The following RIC8B variants were observed in gnomAD, a reference collection of about 807,000 sequenced individuals.
The protein encoded by RIC8B is RIC8 guanine nucleotide exchange factor B.
RIC8B carries 16 observed loss-of-function variants against 57.5 expected under a neutral mutation model. The ratio of observed to expected loss-of-function variants is 0.28; its 90% CI spans 0.19 to 0.42. The LOEUF (loss-of-function observed/expected upper bound fraction) is 0.42, where lower values mean the gene tolerates loss of function less well. Among genes scored for constraint, RIC8B ranks in the 10% least tolerant of loss-of-function variants. The pLI is 1.00. For synonymous variants in RIC8B, 216 were observed against 250.8 expected (o/e 0.86, Z 1.31); for missense variants, 481 against 677.0 (o/e 0.71, Z 3.21).
At chr12:106,864,927 T>C (rs1179028115) in intron 8 of RIC8B, among the ~76,000 whole-genome samples, 2 of 152,180 alleles carry the variant, frequency 1.3e-5, no homozygotes, top group African/African-American at 4.8e-5. Context: ...CTCCTTTTGT[T>C]ATTGGCTAGT....
At position 106,853,453 on chromosome 12, in the gene RIC8B, C is replaced by CTTTTTTTTTTTTTTTTTTTTTTTTTTTT. The variant is rs758876525; in HGVS notation, c.1306+1865_1306+1892dup. Among the ~76,000 whole-genome samples the CTTTTTTTTTTTTTTTTTTTTTTTTTTTT allele has an allele frequency of 3.2e-4, 12 of 38,022 alleles. 3 individuals are homozygous for CTTTTTTTTTTTTTTTTTTTTTTTTTTTT. The highest frequency in any genetic ancestry group is 1.2e-3 in the East Asian group (1 of 834). 24.9% of individuals were successfully genotyped at this position (38,022 alleles called of 152,430 possible). On this transcript the variant is annotated intron_variant, in intron 7 of 9. Transcript: ENST00000392837. ...GACCTCAACAATTCTGCTTTATAGTCTTTTTTTTTTTTTTTTTTTTTTTTT... is the reference window on the plus strand; with the variant it reads ...GACCTCAACAATTCTGCTTTATAGTCTTTTTTTTTTTTTTTTTTTTTTTTTTTTTTTTTTTTTTTTTTTTTTTTTTTTT...
At chr12:106,837,038 C>G (rs1467516360) in intron 4 of RIC8B, among the ~76,000 whole-genome samples, 2 of 152,218 alleles carry the variant, frequency 1.3e-5, no homozygotes, top group Non-Finnish European at 2.9e-5. Context: ...AATAACTCAT[C>G]TCAGTGAAGC....
Position 106,814,990 on chromosome 12 carries a change from A to G in RIC8B, c.427A>G (p.Lys143Glu). The G allele has an allele frequency of 6.2e-7, 1 of 1,614,226 alleles. No individual in the cohort carries two copies. Among genetic ancestry groups the G allele is most frequent in the Non-Finnish European group, 8.5e-7 (1 of 1,180,034 alleles). Residue 143 changes from lysine to glutamate, a missense_variant, in exon 3 of 10, where the codon AAG (lysine) becomes GAG (glutamate). By Grantham distance (56) the Lys-to-Glu change is moderately conservative. Transcript: ENST00000392837. ...QLSLELNLAA[K>E]LCNLLRKCKD... ...CAGCCTGGAACTTAATCTTGCTGCA[A>G]AGCTCTGTAACCTCCTGAGAAAGTG...
In RIC8B at chr12:106,826,710, G is replaced by A. The variant is rs542322601; in HGVS notation, c.836+890G>A. ...GTGGAGGTTGCAGTGAGCCAAGGTC[G>A]CACCGTTGCACTCCTGCCTAGGCAA... On this transcript the variant is annotated intron_variant, in intron 4 of 9. Transcript: ENST00000392837. 5.7e-4 allele frequency among the ~76,000 whole-genome samples: 87 copies of A among 152,292 alleles called. 1 individual carries two copies. Among genetic ancestry groups the A allele is most frequent in the Admixed American group, 3.5e-3 (54 of 15,310 alleles).
intron 8 of RIC8B, among the ~76,000 whole-genome samples, chr12:106,862,314 C>T (rs968848286): frequency 6.6e-6 from 1 of 152,012 alleles, no homozygotes; most frequent in African/African-American, 2.4e-5. Flanking sequence ...CTTCCCCCTT[C>T]GGATAGATTT....
intron 7 of RIC8B, among the ~76,000 whole-genome samples, chr12:106,855,128 G>A (rs543752642): frequency 3.3e-5 from 5 of 152,146 alleles, no homozygotes; most frequent in African/African-American, 9.7e-5. Context: ...CTCAGTATGT[G>A]GTAGGCATTA....
chr12:106,802,116 C>T (rs914864194), intron 2 of RIC8B, among the ~76,000 whole-genome samples: 4 of 152,214 alleles, frequency 2.6e-5, no homozygotes, highest in Non-Finnish European at 5.9e-5. Flanking sequence ...GCCTTAACTA[C>T]AAAAATTCCT....
At chr12:106,841,743 C>A (rs1306985671) in intron 4 of RIC8B, among the ~76,000 whole-genome samples, 1 of 152,106 alleles carries the variant, frequency 6.6e-6, no homozygotes, top group Non-Finnish European at 1.5e-5. Flanking sequence ...AGAACACCAC[C>A]ACTCCTTTTA....
At chr12:106,788,161 T>A (rs1244496786) in intron 2 of RIC8B, among the ~76,000 whole-genome samples, 1 of 152,154 alleles carries the variant, frequency 6.6e-6, no homozygotes, top group Non-Finnish European at 1.5e-5. Context: ...GGCAGTAAAA[T>A]TTTAAAGCTC....
intron 2 of RIC8B, among the ~76,000 whole-genome samples, chr12:106,805,881 AG>A (rs1270881091): frequency 8.5e-5 from 13 of 152,152 alleles, no homozygotes; most frequent in Non-Finnish European, 1.9e-4. Context: ...ACATCTTGAA[AG>A]GTATCTACTT....
chr12:106,808,535 G>A (rs976761343), intron 2 of RIC8B, among the ~76,000 whole-genome samples: 1 of 152,108 alleles, frequency 6.6e-6, no homozygotes, highest in African/African-American at 2.4e-5. Flanking sequence ...TTTGCAGTAG[G>A]CCAATACTTT....
At chr12:106,835,001 A>G (rs2046528965) in intron 4 of RIC8B, among the ~76,000 whole-genome samples, 1 of 151,222 alleles carries the variant, frequency 6.6e-6, no homozygotes. Flanking sequence ...AAAAAAAAAA[A>G]AAAAAAAAGT....
At chr12:106,878,833 CT>C (rs1950792763) in intron 9 of RIC8B, among the ~76,000 whole-genome samples, 1 of 151,872 alleles carries the variant, frequency 6.6e-6, no homozygotes, top group South Asian at 2.1e-4. Context: ...TTCCCCCCCC[CT>C]TTTCTTCTTT....
chr12:106,879,412 C>T lies in RIC8B; in HGVS notation c.1572-6492C>T, dbSNP rs189412497. 1.8e-4 allele frequency: 175 copies of T among 985,114 alleles called. No individual in the cohort carries two copies. Among genetic ancestry groups the T allele is most frequent in the Non-Finnish European group, 2.0e-4 (163 of 829,882 alleles). 61.0% of individuals were successfully genotyped at this position (985,114 alleles called of 1,614,324 possible). On this transcript the variant is annotated intron_variant, in intron 9 of 9. Coordinates refer to ENST00000392837, the MANE Select transcript of RIC8B (RefSeq NM_001330145.2). This position sits in a 1 kb window ranked among gnomAD's most constrained non-coding sequence, Gnocchi z 4.9. ...TTTGGGGGAAAGAGTCATATAGGAACCAGAAGCCCTAAAAAGCAGAACCTT... is the reference window on the plus strand; with the variant it reads ...TTTGGGGGAAAGAGTCATATAGGAATCAGAAGCCCTAAAAAGCAGAACCTT...
chr12:106,862,195 G>C (rs530696927), intron 8 of RIC8B, among the ~76,000 whole-genome samples: 4 of 152,064 alleles, frequency 2.6e-5, no homozygotes, highest in African/African-American at 9.6e-5. Context: ...ATATTCATAG[G>C]AATGGTATGT....
At chr12:106,810,290 TAAAA>T (rs60993772) in intron 2 of RIC8B, among the ~76,000 whole-genome samples, 4 of 122,670 alleles carry the variant, frequency 3.3e-5, no homozygotes, top group African/African-American at 3.0e-5. Context: ...ATACAGCTGG[TAAAA>T]AAAAAAAAAA....
chr12:106,831,968 C>G (rs1490582162), intron 4 of RIC8B, among the ~76,000 whole-genome samples: 1 of 152,210 alleles, frequency 6.6e-6, no homozygotes, highest in Non-Finnish European at 1.5e-5. Flanking sequence ...TGTATTCAAG[C>G]TACTCTGCTC....
intron 6 of RIC8B, among the ~76,000 whole-genome samples, chr12:106,844,487 T>TATGCA (rs1212952502): frequency 7.2e-5 from 11 of 152,168 alleles, no homozygotes; most frequent in African/African-American, 2.6e-4. Context: ...TAGGCCACAA[T>TATGCA]ATGCAAGGGG....
chr12:106,787,675 A>T, intron 2 of RIC8B, among the ~76,000 whole-genome samples: 1 of 152,080 alleles, frequency 6.6e-6, no homozygotes, highest in East Asian at 1.9e-4. Context: ...GCAAAAGTGG[A>T]AACCCCCGAT....
Sources: allele counts gnomAD v4.1 joint callset (sites outside exome capture counted in the v4.1 genomes callset), GRCh38; gene constraint gnomAD v4.1.1; non-coding constraint Gnocchi (gnomAD v3.1); transcripts MANE v1.5; gene names NCBI Gene and HGNC (gene_info 2026-07-23, HGNC 2026-07-21).